ARHGEF2: variants seen among roughly 807,000 people sequenced by gnomAD.
ARHGEF2 encodes rho guanine nucleotide exchange factor 2.
ARHGEF2 carries 22 observed loss-of-function variants against 121.0 expected under a neutral mutation model. The observed-to-expected ratio is 0.18, with a 90% CI of 0.13 to 0.26. The LOEUF (loss-of-function observed/expected upper bound fraction) is 0.26. Ranked by LOEUF, ARHGEF2 falls within the 10% of genes least tolerant of loss-of-function variation. ARHGEF2 has a pLI of 1.00. For missense variants in ARHGEF2, 907 were observed against 1,336.0 expected (o/e 0.68, Z 5.01); for synonymous variants, 487 against 530.0 (o/e 0.92, Z 1.11).
Position 155,947,898 on chromosome 1 carries a change from G to A in ARHGEF2, c.*44C>T, listed in dbSNP as rs895045444. 2.4e-6 allele frequency: 3 copies of A among 1,260,834 alleles called. No homozygotes were observed. The African/African-American group carries it at 4.5e-5, about 19-fold the overall frequency. The allele number at this position is 1,260,834 out of a possible 1,614,324, so 78.1% of individuals were successfully genotyped here. ...GGAGTCCCCAAGGTTAGCCCCCTCA[G>A]TAATGTTCTTCAGTGGGGCACGGGG... On this transcript the variant is annotated 3_prime_UTR_variant, in exon 22 of 22. Transcript: ENST00000361247.
At chr1:155,969,688 G>A (rs959426244) in intron 1 of ARHGEF2, 21 of 1,018,858 alleles carry the variant, frequency 2.1e-5, no homozygotes, top group Non-Finnish European at 2.5e-5. Context: ...AGAGAGGAGG[G>A]GAGAGCAGGC....
intron 1 of ARHGEF2, among the ~76,000 whole-genome samples, chr1:155,975,780 C>T (rs550352865): frequency 6.6e-6 from 1 of 152,238 alleles, no homozygotes; most frequent in South Asian, 2.1e-4. Flanking sequence ...CATCCCTGGA[C>T]CTCTGGTCCC....
Position 155,965,894 on chromosome 1 carries a change from A to C in ARHGEF2, c.341-134T>G. The C allele has an allele frequency of 9.0e-7, 1 of 1,110,752 alleles. No individual in the cohort carries two copies. Among genetic ancestry groups the C allele is most frequent in the Non-Finnish European group, 1.2e-6 (1 of 818,112 alleles). 68.8% of individuals were successfully genotyped at this position (1,110,752 alleles called of 1,614,324 possible). On this transcript the variant is annotated intron_variant, in intron 4 of 21. Transcript: ENST00000361247. The surrounding 1 kb of genome is among the most constrained non-coding windows in gnomAD (Gnocchi z 6.0). ...AGCCCCTCTAGTCAAGAAAGATGGT[A>C]ATGAGAATGCCACCTTACATTTGTG...
Position 155,978,188 on chromosome 1 carries a change from A to T in ARHGEF2, c.63+177T>A, listed in dbSNP as rs912572114. The T allele has an allele frequency of 1.6e-6, 2 of 1,257,278 alleles. No homozygotes were observed. The allele number at this position is 1,257,278 out of a possible 1,614,324, so 77.9% of individuals were successfully genotyped here. ...CACCGTCGCGTCTGCCGCTCCCCCC[A>T]CCCCTACCCACTCGCTCGCAGTCCC... On this transcript the variant is annotated intron_variant, in intron 1 of 21. Transcript: ENST00000361247. The surrounding 1 kb of genome is among the most constrained non-coding windows in gnomAD (Gnocchi z 4.1).
chr1:155,965,833 C>T lies in ARHGEF2; in HGVS notation c.341-73G>A. On this transcript the variant is annotated intron_variant, in intron 4 of 21. Transcript: ENST00000361247. The surrounding 1 kb of genome is among the most constrained non-coding windows in gnomAD (Gnocchi z 6.0). ...CCCAGGATTGAGGCCTCCTAGGCTCCTCAATGAGGAATGAGGCATCCTCTC... is the reference window on the plus strand; with the variant it reads ...CCCAGGATTGAGGCCTCCTAGGCTCTTCAATGAGGAATGAGGCATCCTCTC... The T allele has an allele frequency of 6.7e-7, 1 of 1,503,266 alleles. No homozygotes were observed. The highest frequency in any genetic ancestry group is 8.8e-7 in the Non-Finnish European group (1 of 1,136,546). The allele number at this position is 1,503,266 out of a possible 1,614,324, so 93.1% of individuals were successfully genotyped here.
At chr1:155,954,282 C>CTTT (rs544870775) in intron 14 of ARHGEF2, among the ~76,000 whole-genome samples, 1,538 of 108,478 alleles carry the variant, frequency 0.014, 64 homozygotes, top group African/African-American at 0.017. Flanking sequence ...CAATCTACTT[C>CTTT]TTTTTTTTTT....
intron 13 of ARHGEF2, 22 bp downstream of exon 13, chr1:155,957,691 C>A: frequency 1.3e-6 from 2 of 1,594,016 alleles, no homozygotes; most frequent in Non-Finnish European, 8.5e-7. Context: ...TAAGCACATG[C>A]AGGCGGCAGG....
Position 155,954,915 on chromosome 1 carries a change from C to T in ARHGEF2, c.1770G>A (p.Leu590=), listed in dbSNP as rs780850938. The T allele has an allele frequency of 6.2e-7, 1 of 1,611,598 alleles. No individual in the cohort carries two copies. Among genetic ancestry groups the T allele is most frequent in the South Asian group, 1.1e-5 (1 of 90,296 alleles). The change falls in exon 14 of 22, where the codon CTG becomes CTA. Residue 590 remains leucine, a synonymous_variant. Coordinates refer to ENST00000361247, the MANE Select transcript of ARHGEF2 (RefSeq NM_001162383.2). ...GGGTGGACTTACTCTTAATTCGCCG[C>T]AGGTAAGCCTCATCCTCTGTCTCAA... ...PLIETEDEAY[L]RRIKMELQQK... is the part of the protein sequence containing the mutation.
chr1:155,968,548 G>A (rs936389206), intron 2 of ARHGEF2: 1 of 152,266 alleles, frequency 6.6e-6, no homozygotes, highest in Non-Finnish European at 1.5e-5. Flanking sequence ...TGAAGGGCAG[G>A]AATTCTAACC....
At chr1:155,964,163 A>ATAT (rs1231114623) in intron 7 of ARHGEF2, among the ~76,000 whole-genome samples, 1 of 85,504 alleles carries the variant, frequency 1.2e-5, no homozygotes, top group African/African-American at 5.9e-5. Flanking sequence ...AAAAAAAAAA[A>ATAT]AAAAATATAT....
At chr1:155,953,296 G>C (rs1675905344) in intron 14 of ARHGEF2, among the ~76,000 whole-genome samples, 4 of 151,542 alleles carry the variant, frequency 2.6e-5, no homozygotes, top group Non-Finnish European at 4.4e-5. Context: ...TGTGGAAGGG[G>C]TTGCAGGTTG....
rs1677820996 is a variant in ARHGEF2, at chr1:155,961,164, T to C, written c.1468+497A>G. On this transcript the variant is annotated intron_variant, in intron 11 of 21. Coordinates refer to ENST00000361247, the MANE Select transcript of ARHGEF2 (RefSeq NM_001162383.2). This position sits in a 1 kb window ranked among gnomAD's most constrained non-coding sequence, Gnocchi z 4.7. Reference sequence around the variant, plus strand: ...TAAAATACTGATAGGGAAGGCCCTGTATGGTCCATAAAGTTAACTGCAGAA... The same window carrying C: ...TAAAATACTGATAGGGAAGGCCCTGCATGGTCCATAAAGTTAACTGCAGAA... Among the ~76,000 whole-genome samples, 1 of 152,196 alleles carries C rather than the reference T, an allele frequency of 6.6e-6. No homozygotes were observed. The highest frequency in any genetic ancestry group is 1.5e-5 in the Non-Finnish European group (1 of 68,048).
Position 155,978,187 on chromosome 1 carries a change from C to T in ARHGEF2, c.63+178G>A, listed in dbSNP as rs373715546. The T allele has an allele frequency of 9.0e-4, 1,186 of 1,313,120 alleles. 10 individuals carry two copies. The highest frequency in any genetic ancestry group is 8.8e-3 in the South Asian group (487 of 55,300). 81.3% of individuals were successfully genotyped at this position (1,313,120 alleles called of 1,614,324 possible). On this transcript the variant is annotated intron_variant, in intron 1 of 21. Transcript: ENST00000361247. This position sits in a 1 kb window ranked among gnomAD's most constrained non-coding sequence, Gnocchi z 4.1. The stretch of plus-strand genomic sequence containing the variant: ...GCACCGTCGCGTCTGCCGCTCCCCC[C>T]ACCCCTACCCACTCGCTCGCAGTCC...
Position 155,953,245 on chromosome 1 carries a change from G to A in ARHGEF2, c.1784-417C>T, listed in dbSNP as rs572565668. On this transcript the variant is annotated intron_variant, in intron 14 of 21. Transcript: ENST00000361247. ...CACACCACTGCACTCCAGCCTGGGC[G>A]ACACAGCAAGACTCTGTCTCAAAAA... Among the ~76,000 whole-genome samples the A allele has an allele frequency of 2.1e-5, 3 of 139,938 alleles. No individual in the cohort carries two copies. The East Asian group carries it at 6.3e-4, about 29-fold the overall frequency. 91.8% of individuals were successfully genotyped at this position (139,938 alleles called of 152,430 possible).
intron 13 of ARHGEF2, among the ~76,000 whole-genome samples, chr1:155,956,422 ATTTC>A (rs1233164121): frequency 6.6e-6 from 1 of 151,936 alleles, no homozygotes; most frequent in Non-Finnish European, 1.5e-5. Flanking sequence ...TTTTATATGC[ATTTC>A]TAAAAACCTT....
chr1:155,951,147 C>T lies in ARHGEF2; in HGVS notation c.2385G>A (p.Val795=). 1.9e-6 allele frequency: 3 copies of T among 1,604,632 alleles called. No homozygotes were observed. The highest frequency in any genetic ancestry group is 2.5e-6 in the Non-Finnish European group (3 of 1,177,134). ...GEAGRAGAAP[V]APEKQATELA... ...GTTCCGTGGCCTGCTTTTCAGGGGC[C>T]ACAGGGGCAGCCCCAGCCCTGCCAG... Residue 795 remains valine, a synonymous_variant, in exon 20 of 22, where the codon GTG becomes GTA. Transcript: ENST00000361247. The surrounding 1 kb of genome is among the most constrained non-coding windows in gnomAD (Gnocchi z 5.1).
intron 1 of ARHGEF2, chr1:155,971,056 G>T: frequency 1.0e-6 from 1 of 986,838 alleles, no homozygotes; most frequent in Non-Finnish European, 1.2e-6. Flanking sequence ...CTCCGCCACT[G>T]TTCTCCTCTC....
At chr1:155,964,892 CAAAAAA>C (rs11295795) in intron 7 of ARHGEF2, 90 bp downstream of exon 7, 56 of 1,120,316 alleles carry the variant, frequency 5.0e-5, no homozygotes, top group Middle Eastern at 3.1e-4. Flanking sequence ...GACTCCATCT[CAAAAAA>C]AAAAAAAAAA....
chr1:155,965,041 C>G lies in ARHGEF2; in HGVS notation c.671G>C (p.Ser224Thr). 1 of 1,614,188 alleles carries G rather than the reference C, an allele frequency of 6.2e-7. No homozygotes were observed. The highest frequency in any genetic ancestry group is 2.2e-5 in the East Asian group (1 of 44,882). ...CTCCTTTTTATGCTGCTGCAGGAAG[C>G]TGCTGTCCACAGCAAGACTCCAAGA... ...ADSWSLAVDSSFLQQHKKEVM... is the reference protein window; with the variant it reads ...ADSWSLAVDSTFLQQHKKEVM... Residue 224 changes from serine to threonine, a missense_variant, in exon 7 of 22, where the codon AGC becomes ACC. Ser to Thr is a moderately conservative substitution (Grantham distance 58). This residue lies in a region of ARHGEF2 where 475 missense variants were observed against 776.5 expected (regional missense o/e 0.61). Coordinates refer to ENST00000361247, the MANE Select transcript of ARHGEF2 (RefSeq NM_001162383.2). This position sits in a 1 kb window ranked among gnomAD's most constrained non-coding sequence, Gnocchi z 6.0.
Sources: gnomAD v4.1 joint callset for allele counts (sites outside exome capture counted in the v4.1 genomes callset) on GRCh38, gnomAD v4.1.1 for gene constraint, gnomAD v4.1.1 regional missense constraint, Gnocchi (gnomAD v3.1) non-coding constraint, MANE v1.5 for transcripts, NCBI Gene and HGNC (gene_info 2026-07-23, HGNC 2026-07-21) for gene names.